Variants in PCDHGA2 observed in about 807,000 individuals in gnomAD.
PCDHGA2 encodes protocadherin gamma-A2.
A neutral mutation model predicts 59.2 loss-of-function variants in PCDHGA2; 40 were observed. That is an observed-to-expected ratio of 0.68 (90% CI 0.52 to 0.88). The LOEUF (loss-of-function observed/expected upper bound fraction) is 0.88. PCDHGA2 is among the 40% of genes least tolerant of loss of function. PCDHGA2 has a pLI of 0.00. For missense variants in PCDHGA2, 1,226 were observed against 1,204.0 expected (o/e 1.02, Z -0.27); for synonymous variants, 560 against 526.0 (o/e 1.06, Z -0.89).
At chr5:141,345,305 C>T (rs1757552187) in intron 1 of PCDHGA2, 10 of 1,613,974 alleles carry the variant, frequency 6.2e-6, no homozygotes, top group Non-Finnish European at 8.5e-6. Flanking sequence ...GTCTGAGAGC[C>T]TCAGATGGGG....
rs754462129 is a variant in PCDHGA2, at chr5:141,490,693, G to T, written c.2425-4114G>T. 6.2e-7 allele frequency: 1 copy of T among 1,614,170 alleles called. No homozygotes were observed. Among genetic ancestry groups the T allele is most frequent in the South Asian group, 1.1e-5 (1 of 91,072 alleles). On this transcript the variant is annotated intron_variant, in intron 1 of 3. Transcript: ENST00000394576. This position sits in a 1 kb window ranked among gnomAD's most constrained non-coding sequence, Gnocchi z 5.4. Reference sequence around the variant, plus strand: ...GGCTGCCTCAGATCCAGACACTGGGGATAATGCCCGCCTCACCTACTCCAT... The same window carrying T: ...GGCTGCCTCAGATCCAGACACTGGGTATAATGCCCGCCTCACCTACTCCAT...
At position 141,340,740 on chromosome 5, in the gene PCDHGA2, A is replaced by C. The variant is rs1339965864; in HGVS notation, c.1769A>C (p.Lys590Thr). Reference sequence around the variant, plus strand: ...GCAGAGCCCGGCTACCTGGTGACCAAGGTGGTGGCGGTGGACAGAGACTCG... The same window carrying C: ...GCAGAGCCCGGCTACCTGGTGACCACGGTGGTGGCGGTGGACAGAGACTCG... ...RSAEPGYLVT[K>T]VVAVDRDSGQ... The change falls in exon 1 of 4, where the codon AAG becomes ACG. Residue 590 changes from lysine (K) to threonine (T), a missense_variant. Physicochemically the swap from Lys to Thr is moderately conservative, Grantham distance 78. Coordinates refer to ENST00000394576, the MANE Select transcript of PCDHGA2 (RefSeq NM_018915.4). 1.9e-6 allele frequency: 3 copies of C among 1,613,600 alleles called. No homozygotes were observed. Among genetic ancestry groups the C allele is most frequent in the South Asian group, 2.2e-5 (2 of 91,068 alleles).
intron 1 of PCDHGA2, chr5:141,418,506 ATGG>A (rs2096264933): frequency 6.2e-7 from 1 of 1,613,860 alleles, no homozygotes; most frequent in African/African-American, 1.3e-5. Context: ...ACCGCCTTAG[ATGG>A]TGGGGACCCT....
At chr5:141,464,618 C>G (rs1425657373) in intron 1 of PCDHGA2, among the ~76,000 whole-genome samples, 2 of 152,092 alleles carry the variant, frequency 1.3e-5, no homozygotes, top group Non-Finnish European at 2.9e-5. Context: ...AGTATATTGT[C>G]AAGCTTTTTA....
Position 141,431,628 on chromosome 5 carries a change from A to T in PCDHGA2, c.2425-63179A>T, listed in dbSNP as rs1204083567. The T allele has an allele frequency of 6.2e-7, 1 of 1,614,138 alleles. No individual in the cohort carries two copies. Among genetic ancestry groups the T allele is most frequent in the Non-Finnish European group, 8.5e-7 (1 of 1,180,058 alleles). ...CGGTATGTGGACGACAAGGCGGCCC[A>T]AGTTTTCAAACTAGATTGTAATTCA... On this transcript the variant is annotated intron_variant, in intron 1 of 3. Coordinates refer to ENST00000394576, the MANE Select transcript of PCDHGA2 (RefSeq NM_018915.4). The surrounding 1 kb of genome is among the most constrained non-coding windows in gnomAD (Gnocchi z 4.8).
Position 141,476,220 on chromosome 5 carries a change from A to G in PCDHGA2, c.2425-18587A>G, listed in dbSNP as rs770978000. On this transcript the variant is annotated intron_variant, in intron 1 of 3. Coordinates refer to ENST00000394576, the MANE Select transcript of PCDHGA2 (RefSeq NM_018915.4). This position sits in a 1 kb window ranked among gnomAD's most constrained non-coding sequence, Gnocchi z 7.6. Reference sequence around the variant, plus strand: ...AACAAGGCTTCCACGGTCATTCACTATGAGATCCCGGAGGAAAGAGAGAAG... The same window carrying G: ...AACAAGGCTTCCACGGTCATTCACTGTGAGATCCCGGAGGAAAGAGAGAAG... 44 of 1,613,884 alleles carry G rather than the reference A, an allele frequency of 2.7e-5. No individual in the cohort carries two copies. The highest frequency in any genetic ancestry group is 3.4e-5 in the Non-Finnish European group (40 of 1,180,004).
intron 1 of PCDHGA2, chr5:141,350,854 C>T: frequency 6.2e-7 from 1 of 1,614,084 alleles, no homozygotes; most frequent in Non-Finnish European, 8.5e-7. Flanking sequence ...AACCTCTAGA[C>T]AGGGAACATC....
At chr5:141,415,709 C>A in intron 1 of PCDHGA2, 1 of 1,092,276 alleles carries the variant, frequency 9.2e-7, no homozygotes, top group Non-Finnish European at 1.3e-6. Context: ...AATGCTAAAA[C>A]ACTGATGAGT....
At chr5:141,475,715 C>T (rs989484033) in intron 1 of PCDHGA2, among the ~76,000 whole-genome samples, 1 of 152,366 alleles carries the variant, frequency 6.6e-6, no homozygotes, top group African/African-American at 2.4e-5. Context: ...AGCCTCACAG[C>T]CCCAAGGCTG....
intron 1 of PCDHGA2, chr5:141,421,226 C>A (rs368125665): frequency 3.7e-5 from 58 of 1,584,718 alleles, no homozygotes; most frequent in Non-Finnish European, 4.6e-5. Context: ...TTAGAGCCTG[C>A]CATGGCGAAT....
chr5:141,504,836 C>A (rs550489904), intron 2 of PCDHGA2, among the ~76,000 whole-genome samples: 2 of 152,200 alleles, frequency 1.3e-5, no homozygotes, highest in East Asian at 3.9e-4. Context: ...TTTTCTCTAG[C>A]TCTGGAACAT....
At chr5:141,439,796 G>C (rs980000701) in intron 1 of PCDHGA2, 4 of 152,318 alleles carry the variant, frequency 2.6e-5, no homozygotes, top group African/African-American at 9.6e-5. Flanking sequence ...AATCCAAGAA[G>C]AGTTTGAAAA....
intron 1 of PCDHGA2, chr5:141,374,167 A>G (rs1320540619): frequency 1.9e-6 from 3 of 1,613,124 alleles, no homozygotes; most frequent in Non-Finnish European, 2.5e-6. Flanking sequence ...GGGCCGCGGC[A>G]GCGCAGATCC....
intron 1 of PCDHGA2, among the ~76,000 whole-genome samples, chr5:141,455,419 G>A (rs1462099602): frequency 6.6e-6 from 1 of 152,124 alleles, no homozygotes; most frequent in Non-Finnish European, 1.5e-5. Context: ...AGGGAGCGGG[G>A]CTCCAAAAGA....
intron 1 of PCDHGA2, chr5:141,398,873 T>G (rs2093718804): frequency 5.0e-6 from 8 of 1,613,254 alleles, no homozygotes; most frequent in Non-Finnish European, 6.8e-6. Context: ...GTGTACAGAG[T>G]CAGCCTTCGG....
chr5:141,372,572 C>T (rs1199574805), intron 1 of PCDHGA2: 4 of 1,614,056 alleles, frequency 2.5e-6, no homozygotes, highest in East Asian at 4.5e-5. Flanking sequence ...CTGAGGGCTA[C>T]TTTCAGCCTG....
At chr5:141,381,445 G>C (rs1777202904) in intron 1 of PCDHGA2, among the ~76,000 whole-genome samples, 1 of 152,248 alleles carries the variant, frequency 6.6e-6, no homozygotes. Context: ...TGTCAGGACA[G>C]TCCTGCATTT....
In PCDHGA2 at chr5:141,413,494, G is replaced by A. The variant is rs778441176; in HGVS notation, c.2424+72099G>A. The A allele has an allele frequency of 2.5e-5, 41 of 1,613,924 alleles. No homozygotes were observed. Among genetic ancestry groups the A allele is most frequent in the Non-Finnish European group, 3.1e-5 (37 of 1,179,948 alleles). On this transcript the variant is annotated intron_variant, in intron 1 of 3. Transcript: ENST00000394576. Reference sequence around the variant, plus strand: ...GCTCTGCGCTCAGAGCGCGCGGTGCGTGGTGAGTTTTAATATCCTTGTGGA... The same window carrying A: ...GCTCTGCGCTCAGAGCGCGCGGTGCATGGTGAGTTTTAATATCCTTGTGGA...
Position 141,384,659 on chromosome 5 carries a change from T to A in PCDHGA2, c.2424+43264T>A, listed in dbSNP as rs375759581. ...CCCCGCTCCGCAGAGCCCGGCTACC[T>A]GGTGACCAAGGTGGTGGCGGTGGAC... is the stretch of plus-strand genomic sequence containing the variant. On this transcript the variant is annotated intron_variant, in intron 1 of 3. Transcript: ENST00000394576. The A allele has an allele frequency of 3.1e-6, 5 of 1,614,076 alleles. No individual in the cohort carries two copies. In the African/African-American group the frequency reaches 6.7e-5, roughly 22 times the overall value.
Sources: allele counts gnomAD v4.1 joint callset (sites outside exome capture counted in the v4.1 genomes callset), GRCh38; gene constraint gnomAD v4.1.1; non-coding constraint Gnocchi (gnomAD v3.1); transcripts MANE v1.5; gene names NCBI Gene and HGNC (gene_info 2026-07-23, HGNC 2026-07-21).